DDAH1: variants seen among roughly 807,000 people sequenced by gnomAD.
DDAH1 encodes the protein dimethylarginine dimethylaminohydrolase 1.
DDAH1 carries 19 observed loss-of-function variants against 28.8 expected under a neutral mutation model. That is an observed-to-expected ratio of 0.66 (90% CI 0.46 to 0.97). The LOEUF is 0.97. Among genes scored for constraint, DDAH1 ranks in the 50% least tolerant of loss-of-function variants. The probability of loss-of-function intolerance (pLI) is 0.00; values close to 1 mark genes in which losing one functional copy is unlikely to be tolerated. For missense variants in DDAH1, 326 were observed against 375.9 expected (o/e 0.87, Z 1.10); for synonymous variants, 153 against 154.4 (o/e 0.99, Z 0.07).
chr1:85,504,024 T>C (rs560602830), intron 1 of DDAH1, among the ~76,000 whole-genome samples: 140 of 152,132 alleles, frequency 9.2e-4, no homozygotes, highest in African/African-American at 3.2e-3. Flanking sequence ...AGGGAAAGGA[T>C]TGGAAGGTTT....
At position 85,464,418 on chromosome 1, in the gene DDAH1, C is replaced by A; in HGVS notation, c.303+325G>T. ...CGGCCCTCGCTCCCTGGGAAACACTCAGAGTTGCACTGTCGTCGCTGCCGT... is the reference window on the plus strand; with the variant it reads ...CGGCCCTCGCTCCCTGGGAAACACTAAGAGTTGCACTGTCGTCGCTGCCGT... On this transcript the variant is annotated intron_variant, in intron 1 of 5. Coordinates refer to ENST00000284031, the MANE Select transcript of DDAH1 (RefSeq NM_012137.4). This position sits in a 1 kb window ranked among gnomAD's most constrained non-coding sequence, Gnocchi z 4.4. 3 of 1,349,322 alleles carry A rather than the reference C, an allele frequency of 2.2e-6. No individual in the cohort carries two copies. Among genetic ancestry groups the A allele is most frequent in the Non-Finnish European group, 2.0e-6 (2 of 1,009,564 alleles). The allele number at this position is 1,349,322 out of a possible 1,614,324, so 83.6% of individuals were successfully genotyped here. A position where few individuals can be genotyped will look rare whatever the true frequency, so the allele number is the denominator to read the frequency against.
chr1:85,493,385 A>G (rs1356307951), intron 2 of DDAH1: 4 of 152,264 alleles, frequency 2.6e-5, no homozygotes, highest in African/African-American at 9.6e-5. Flanking sequence ...AAAATTTTTC[A>G]AAAGCAAATA....
intron 1 of DDAH1, among the ~76,000 whole-genome samples, chr1:85,573,399 T>C (rs753846726): frequency 6.6e-6 from 1 of 152,240 alleles, no homozygotes; most frequent in Non-Finnish European, 1.5e-5. Flanking sequence ...AGCCAAGCCA[T>C]TTGATAATGA....
At chr1:85,483,969 C>CT in intron 2 of DDAH1, among the ~76,000 whole-genome samples, 1 of 152,210 alleles carries the variant, frequency 6.6e-6, no homozygotes, top group East Asian at 1.9e-4. Flanking sequence ...GCCTAAGGGG[C>CT]TGGGGTTGTT....
chr1:85,501,814 G>A (rs1319745918), intron 1 of DDAH1, among the ~76,000 whole-genome samples: 1 of 152,106 alleles, frequency 6.6e-6, no homozygotes, highest in Non-Finnish European at 1.5e-5. Flanking sequence ...CAAGAGGGCT[G>A]GTACTAGTAA....
At chr1:85,493,162 T>A (rs903699478) in intron 2 of DDAH1, among the ~76,000 whole-genome samples, 2 of 152,016 alleles carry the variant, frequency 1.3e-5, no homozygotes, top group Admixed American at 1.3e-4. Flanking sequence ...AATAAAAAAA[T>A]TTGTTTTCTT....
intron 1 of DDAH1, among the ~76,000 whole-genome samples, chr1:85,428,930 T>C (rs1027534243): frequency 6.6e-6 from 1 of 151,980 alleles, no homozygotes; most frequent in South Asian, 2.1e-4. Flanking sequence ...CAAGCCAAGG[T>C]GGCAATTGTT....
intron 1 of DDAH1, among the ~76,000 whole-genome samples, chr1:85,391,442 G>C (rs1434637840): frequency 6.6e-6 from 1 of 152,090 alleles, no homozygotes; most frequent in Non-Finnish European, 1.5e-5. Context: ...ACTCCAGCCT[G>C]GGCGACAGAG....
intron 4 of DDAH1, among the ~76,000 whole-genome samples, chr1:85,332,961 C>T (rs1344727402): frequency 6.6e-6 from 1 of 152,196 alleles, no homozygotes; most frequent in East Asian, 1.9e-4. Flanking sequence ...GAGGACTCAT[C>T]CAGTCATCTG....
intron 1 of DDAH1, among the ~76,000 whole-genome samples, chr1:85,442,062 G>A (rs910482545): frequency 1.3e-5 from 2 of 151,776 alleles, no homozygotes; most frequent in Non-Finnish European, 2.9e-5. Context: ...AAGTTCTAGG[G>A]TACATGTGCA....
rs182138990 is a variant in DDAH1, at chr1:85,423,895, C to A, written c.303+40848G>T. ...TAGAGGGCAAGCATTGAGTTTGTCA[C>A]CCTTAAGTATGTGTTGCGATTTTTA... is the stretch of plus-strand genomic sequence containing the variant. On this transcript the variant is annotated intron_variant, in intron 1 of 5. Transcript: ENST00000284031. 3.9e-5 allele frequency among the ~76,000 whole-genome samples: 6 copies of A among 152,250 alleles called. No homozygotes were observed. The East Asian group carries it at 1.2e-3, about 29-fold the overall frequency.
At chr1:85,425,290 A>T (rs1653342982) in intron 1 of DDAH1, among the ~76,000 whole-genome samples, 1 of 152,000 alleles carries the variant, frequency 6.6e-6, no homozygotes, top group South Asian at 2.1e-4. Context: ...TCATCTCTGC[A>T]AGCTAGTAAT....
At chr1:85,351,076 T>C (rs1649173302) in intron 3 of DDAH1, among the ~76,000 whole-genome samples, 1 of 151,996 alleles carries the variant, frequency 6.6e-6, no homozygotes. Context: ...TTTTTTTTTT[T>C]TTAGAAACAG....
chr1:85,533,062 T>A (rs1268085752), intron 1 of DDAH1, among the ~76,000 whole-genome samples: 2 of 152,208 alleles, frequency 1.3e-5, no homozygotes, highest in African/African-American at 4.8e-5. Context: ...AAGACTTGGT[T>A]TTATAATCTT....
intron 4 of DDAH1, among the ~76,000 whole-genome samples, chr1:85,332,941 T>C (rs1229532473): frequency 6.6e-6 from 1 of 152,136 alleles, no homozygotes; most frequent in South Asian, 2.1e-4. Context: ...TGAGTGCCCA[T>C]GGGGAGCCTG....
At chr1:85,377,884 A>T (rs1488651274) in intron 1 of DDAH1, among the ~76,000 whole-genome samples, 2 of 152,188 alleles carry the variant, frequency 1.3e-5, no homozygotes, top group Admixed American at 1.3e-4. Context: ...ACAAACTGTA[A>T]CAAAATTTTT....
chr1:85,532,224 A>G (rs1348047172), intron 1 of DDAH1, among the ~76,000 whole-genome samples: 1 of 151,164 alleles, frequency 6.6e-6, no homozygotes, highest in Non-Finnish European at 1.5e-5. Context: ...TGCACTCTTG[A>G]TTCTCTCTAA....
At chr1:85,383,677 T>C (rs147944789) in intron 1 of DDAH1, among the ~76,000 whole-genome samples, 426 of 152,308 alleles carry the variant, frequency 2.8e-3, no homozygotes, top group Middle Eastern at 0.014. Flanking sequence ...AACTTCACTG[T>C]TGTCTTATTT....
chr1:85,324,856 A>G lies in DDAH1; in HGVS notation c.625T>C (p.Tyr209His), dbSNP rs1346593418. The G allele has an allele frequency of 6.2e-7, 1 of 1,614,158 alleles. No homozygotes were observed. The highest frequency in any genetic ancestry group is 2.2e-5 in the East Asian group (1 of 44,884). The stretch of plus-strand genomic sequence containing the variant: ...TCATCAGGCACAGTGAGTTTGTCGT[A>G]GCGGTGGTCACTCATCTGTTGCATG... ...KIMQQMSDHR[Y>H]DKLTVPDDIA... The change falls in exon 5 of 6, where the codon TAC becomes CAC. Residue 209 changes from tyrosine (Y) to histidine (H), a missense_variant. Coordinates refer to ENST00000284031, the MANE Select transcript of DDAH1 (RefSeq NM_012137.4).
Sources: gnomAD v4.1 joint callset for allele counts (sites outside exome capture counted in the v4.1 genomes callset) on GRCh38, gnomAD v4.1.1 for gene constraint, Gnocchi (gnomAD v3.1) non-coding constraint, MANE v1.5 for transcripts, NCBI Gene and HGNC (gene_info 2026-07-23, HGNC 2026-07-21) for gene names.